The following ZNF311 variants were observed in gnomAD, a reference collection of about 807,000 sequenced individuals.
ZNF311 encodes zinc finger protein zfp31.
A neutral mutation model predicts 22.7 loss-of-function variants in ZNF311; 14 were observed. The observed-to-expected ratio is 0.62, with a 90% confidence interval of 0.41 to 0.96. The LOEUF (loss-of-function observed/expected upper bound fraction) is 0.96. ZNF311 is among the 40% of genes least tolerant of loss of function. ZNF311 has a pLI of 0.00. For missense variants in ZNF311, 731 were observed against 799.0 expected (o/e 0.91, Z 1.03); for synonymous variants, 250 against 275.3 (o/e 0.91, Z 0.91).
In ZNF311 at chr6:28,996,080, A is replaced by G. The variant is rs1779530924; in HGVS notation, c.922T>C (p.Cys308Arg). The G allele has an allele frequency of 6.2e-7, 1 of 1,613,214 alleles. No individual in the cohort carries two copies. The highest frequency in any genetic ancestry group is 1.1e-5 in the South Asian group (1 of 91,084). ...TGEKPFNCTQCGKAFNSRSAL... is the reference protein window; with the variant it reads ...TGEKPFNCTQRGKAFNSRSAL... ...GATCTACTGTTGAAAGCCTTCCCAC[A>G]CTGGGTGCAATTAAAAGGTTTCTCC... Residue 308 changes from cysteine (C) to arginine (R), a missense_variant, in exon 7 of 7, where the codon TGT becomes CGT. Coordinates refer to ENST00000377179, the MANE Select transcript of ZNF311 (RefSeq NM_001382360.1).
At chr6:29,005,430 C>T (rs1001492772), upstream of ZNF311, 1 of 151,994 alleles carries the variant, frequency 6.6e-6, no homozygotes, top group African/African-American at 2.4e-5. Context: ...CCGACTCCCT[C>T]CTCAAATCTG....
At chr6:29,002,949 C>T (rs552054896) in intron 3 of ZNF311, among the ~76,000 whole-genome samples, 1 of 152,226 alleles carries the variant, frequency 6.6e-6, no homozygotes, top group South Asian at 2.1e-4. Context: ...AAATCTTAAC[C>T]ACTTTTCCTC....
At chr6:28,998,882 T>C in intron 5 of ZNF311, 44 bp from the exon 6 acceptor site, 1 of 1,388,086 alleles carries the variant, frequency 7.2e-7, no homozygotes, top group Non-Finnish European at 1.0e-6. Flanking sequence ...ACTTATAACT[T>C]AATAACTTAT....
chr6:29,003,317 A>G (rs1168472767), intron 3 of ZNF311, among the ~76,000 whole-genome samples, 196 bp downstream of exon 3: 1 of 152,186 alleles, frequency 6.6e-6, no homozygotes, highest in Non-Finnish European at 1.5e-5. Context: ...TCAAAATTTA[A>G]GATACTGACA....
chr6:28,995,894 A>C lies in ZNF311; in HGVS notation c.1108T>G (p.Phe370Val). The C allele has an allele frequency of 6.2e-7, 1 of 1,613,700 alleles. No individual in the cohort carries two copies. Among genetic ancestry groups the C allele is most frequent in the South Asian group, 1.1e-5 (1 of 91,072 alleles). Reference sequence around the variant, plus strand: ...CCATGGATGGTAAGGGAATGCTTAAACTGGAAGGCCTTCCCACAGCAGTTA... The same window carrying C: ...CCATGGATGGTAAGGGAATGCTTAACCTGGAAGGCCTTCCCACAGCAGTTA... ...KCNCCGKAFQ[F>V]KHSLTIHGRI... The change falls in exon 7 of 7, where the codon TTT becomes GTT. Residue 370 changes from phenylalanine (F) to valine (V), a missense_variant. Transcript: ENST00000377179. This position sits in a 1 kb window ranked among gnomAD's most constrained non-coding sequence, Gnocchi z 4.7.
In ZNF311 at chr6:29,003,987, C is replaced by T. The variant is rs1237751057; in HGVS notation, c.-33G>A. 6.2e-7 allele frequency: 1 copy of T among 1,612,854 alleles called. No individual in the cohort carries two copies. Among genetic ancestry groups the T allele is most frequent in the African/African-American group, 1.3e-5 (1 of 74,944 alleles). On this transcript the variant is annotated 5_prime_UTR_variant, in exon 2 of 7. The change creates a new upstream start codon in the 5' untranslated region. Coordinates refer to ENST00000377179, the MANE Select transcript of ZNF311 (RefSeq NM_001382360.1). ...CTCAGGTTTCTTTAACAGTCTTCCA[C>T]TGCTGTCCTGGTTTCTTCCTACTGG...
Position 28,998,831 on chromosome 6 carries a change from T to C in ZNF311, c.318A>G (p.Pro106=), listed in dbSNP as rs1433934821. The change falls in exon 6 of 7, where the codon CCA becomes CCG. Residue 106 remains proline (P), a synonymous_variant. Coordinates refer to ENST00000377179, the MANE Select transcript of ZNF311 (RefSeq NM_001382360.1). ...NYGNMVSLGF[P]FPKPPLISHL... ...GAGAGATTAAAGGAGGTTTAGGAAATGGAAATCCTGGTTGCAGAGAAGAAA... is the reference window on the plus strand; with the variant it reads ...GAGAGATTAAAGGAGGTTTAGGAAACGGAAATCCTGGTTGCAGAGAAGAAA... 2 of 1,611,910 alleles carry C rather than the reference T, an allele frequency of 1.2e-6. No individual in the cohort carries two copies. Among genetic ancestry groups the C allele is most frequent in the African/African-American group, 1.3e-5 (1 of 74,854 alleles).
chr6:28,996,612 G>A (rs754603383), intron 6 of ZNF311, 26 bp from the exon 7 acceptor site: 2 of 1,558,924 alleles, frequency 1.3e-6, no homozygotes, highest in East Asian at 4.5e-5. Flanking sequence ...ACAAATGTCA[G>A]AGGGAAGGAA....
In ZNF311 at chr6:28,995,553, G is replaced by A. The variant is rs779422672; in HGVS notation, c.1449C>T (p.Asn483=). 13 of 1,613,688 alleles carry A rather than the reference G, an allele frequency of 8.1e-6. No individual in the cohort carries two copies. Among genetic ancestry groups the A allele is most frequent in the Non-Finnish European group, 1.1e-5 (13 of 1,180,010 alleles). ...CEECGKAFRH[N]CKRRAHEREH... ...CTCGTTCATGAGCCCTGCGCTTACA[G>A]TTATGACGAAAGGCTTTCCCACACT... The change falls in exon 7 of 7, where the codon AAC becomes AAT. Residue 483 remains asparagine, a synonymous_variant. Transcript: ENST00000377179. The surrounding 1 kb of genome is among the most constrained non-coding windows in gnomAD (Gnocchi z 4.7).
chr6:28,998,864 G>A, intron 5 of ZNF311, 26 bp from the exon 6 acceptor site: 1 of 1,521,390 alleles, frequency 6.6e-7, no homozygotes, highest in Non-Finnish European at 9.1e-7. Flanking sequence ...AAATAAGTGT[G>A]TAGAGTAACT....
intron 3 of ZNF311, among the ~76,000 whole-genome samples, chr6:29,001,702 A>G (rs1780469743): frequency 6.6e-6 from 1 of 152,232 alleles, no homozygotes; most frequent in Non-Finnish European, 1.5e-5. Flanking sequence ...AAATATCCAT[A>G]TACCAATCAC....
chr6:29,003,500 C>T lies in ZNF311; in HGVS notation c.91+13G>A. On this transcript the variant is annotated intron_variant, in intron 3 of 6. Transcript: ENST00000377179. ...CTGCCGTGACTCCTGCCACAATCTC[C>T]TGTGTATCTCACCGCTTTCCTGAGG... The T allele has an allele frequency of 1.2e-6, 2 of 1,612,938 alleles. No homozygotes were observed. Among genetic ancestry groups the T allele is most frequent in the Non-Finnish European group, 1.7e-6 (2 of 1,179,890 alleles).
chr6:29,004,442 C>CTTTTT (rs9280531), intron 1 of ZNF311, among the ~76,000 whole-genome samples: 5 of 30,602 alleles, frequency 1.6e-4, no homozygotes, highest in African/African-American at 4.5e-4. Context: ...TTCCTCCTTT[C>CTTTTT]TTTTTTTTTT....
At position 29,004,119 on chromosome 6, in the gene ZNF311, C is replaced by CA. The variant is rs1377481326; in HGVS notation, c.-166dup. On this transcript the variant is annotated 5_prime_UTR_variant, in exon 2 of 7. The change abolishes the stop of an existing upstream ORF in the 5' untranslated region. Coordinates refer to ENST00000377179, the MANE Select transcript of ZNF311 (RefSeq NM_001382360.1). ...CAGCCAAAGGGCCCTTCTTGACCCA[C>CA]AGTGCCGCTACTGTTTGGCTTAATG... is the stretch of plus-strand genomic sequence containing the variant. The CA allele has an allele frequency of 7.8e-5, 121 of 1,546,130 alleles. No homozygotes were observed. The highest frequency in any genetic ancestry group is 1.0e-4 in the Non-Finnish European group (120 of 1,149,424).
rs192739900 is a variant in ZNF311 at position 29,004,711 on chromosome 6, C to T, written c.-261+297G>A. 7.2e-5 allele frequency among the ~76,000 whole-genome samples: 11 copies of T among 152,286 alleles called. No homozygotes were observed. The East Asian group carries it at 1.7e-3, about 24-fold the overall frequency. On this transcript the variant is annotated intron_variant, in intron 1 of 6. Coordinates refer to ENST00000377179, the MANE Select transcript of ZNF311 (RefSeq NM_001382360.1). ...CCGTGACTTCTAACTTCCTCTCCTG[C>T]TCACCCAAAATAAGAGCTGAAGTCT... is the stretch of plus-strand genomic sequence containing the variant.
rs557275442 is a variant in ZNF311 at position 28,995,940 on chromosome 6, G to C, written c.1062C>G (p.Thr354=). The change falls in exon 7 of 7, where the codon ACC becomes ACG. Residue 354 remains threonine, a synonymous_variant. Transcript: ENST00000377179. This position sits in a 1 kb window ranked among gnomAD's most constrained non-coding sequence, Gnocchi z 4.7. ...AGTTACATTTGTAAGGCTTCTCCCC[G>C]GTGTGGATAAGCTGATGCATACAGA... is the stretch of plus-strand genomic sequence containing the variant. ...NRLCMHQLIH[T]GEKPYKCNCC... 4 of 1,613,244 alleles carry C rather than the reference G, an allele frequency of 2.5e-6. No homozygotes were observed. The highest frequency in any genetic ancestry group is 2.7e-5 in the African/African-American group (2 of 74,752).
Position 29,004,116 on chromosome 6 carries a change from C to A in ZNF311, c.-162G>T. On this transcript the variant is annotated 5_prime_UTR_variant, in exon 2 of 7. Coordinates refer to ENST00000377179, the MANE Select transcript of ZNF311 (RefSeq NM_001382360.1). ...TGCCAGCCAAAGGGCCCTTCTTGACCCACAGTGCCGCTACTGTTTGGCTTA... is the reference window on the plus strand; with the variant it reads ...TGCCAGCCAAAGGGCCCTTCTTGACACACAGTGCCGCTACTGTTTGGCTTA... 1 of 1,551,406 alleles carries A rather than the reference C, an allele frequency of 6.4e-7. No individual in the cohort carries two copies. Among genetic ancestry groups the A allele is most frequent in the Non-Finnish European group, 8.7e-7 (1 of 1,151,828 alleles).
rs552097992 is a variant in ZNF311 at position 28,995,978 on chromosome 6, T to C, written c.1024A>G (p.Thr342Ala). 6.2e-7 allele frequency: 1 copy of C among 1,613,586 alleles called. No homozygotes were observed. The highest frequency in any genetic ancestry group is 8.5e-7 in the Non-Finnish European group (1 of 1,179,990). The change falls in exon 7 of 7, where the codon ACC (threonine) becomes GCC (alanine). Residue 342 changes from threonine to alanine, a missense_variant. Physicochemically the swap from Thr to Ala is moderately conservative, Grantham distance 58. Transcript: ENST00000377179. The surrounding 1 kb of genome is among the most constrained non-coding windows in gnomAD (Gnocchi z 4.7). ...TGATGCATACAGAGACGGTTCCTGG[T>C]CTTGAAGGCCTTCCCACAGTCCCTG... ...ECRDCGKAFK[T>A]RNRLCMHQLI...
At chr6:29,000,499 T>A (rs1324276825) in intron 3 of ZNF311, among the ~76,000 whole-genome samples, 2 of 152,192 alleles carry the variant, frequency 1.3e-5, no homozygotes, top group African/African-American at 4.8e-5. Flanking sequence ...GCATATGTGT[T>A]GAACAGAAGC....
Sources: allele counts gnomAD v4.1 joint callset (sites outside exome capture counted in the v4.1 genomes callset), GRCh38; gene constraint gnomAD v4.1.1; non-coding constraint Gnocchi (gnomAD v3.1); transcripts MANE v1.5; gene names NCBI Gene and HGNC (gene_info 2026-07-23, HGNC 2026-07-21).